Variants in CALN1 observed in about 807,000 individuals in gnomAD.
CALN1 encodes the protein calneuron 1.
In CALN1, 17 loss-of-function variants were observed where a neutral mutation model predicts 30.6. That is an observed-to-expected ratio of 0.56 (90% CI 0.38 to 0.83). The LOEUF is 0.83. Ranked by LOEUF, CALN1 falls within the 40% of genes least tolerant of loss-of-function variation. CALN1 has a pLI of 0.00. For missense variants in CALN1, 291 were observed against 354.9 expected (o/e 0.82, Z 1.45); for synonymous variants, 156 against 131.4 (o/e 1.19, Z -1.28).
chr7:71,935,628 A>C lies in CALN1; in HGVS notation c.501+88029T>G, dbSNP rs192919635. On this transcript the variant is annotated intron_variant, in intron 5 of 6. Coordinates refer to ENST00000395275, the MANE Select transcript of CALN1 (RefSeq NM_031468.4). ...ATTCCAGCTATTCTGGAGGCTGAGG[A>C]AGGAGAATCGCTTGAACCCGGGAGG... Among the ~76,000 whole-genome samples, 1,498 of 152,250 alleles carry C rather than the reference A, an allele frequency of 9.8e-3. 29 individuals are homozygous for C. The highest frequency in any genetic ancestry group is 0.034 in the African/African-American group (1,410 of 41,558).
At chr7:72,329,824 C>T (rs1436975421) in intron 2 of CALN1, among the ~76,000 whole-genome samples, 1 of 151,690 alleles carries the variant, frequency 6.6e-6, no homozygotes, top group African/African-American at 2.4e-5. Flanking sequence ...CGTGGTGCCA[C>T]GCACCTGTAA....
intron 3 of CALN1, among the ~76,000 whole-genome samples, chr7:72,200,677 A>C (rs1017650054): frequency 2.0e-5 from 3 of 152,022 alleles, no homozygotes; most frequent in South Asian, 2.1e-4. Flanking sequence ...TGAAAAAAAA[A>C]CACACATGGA....
intron 4 of CALN1, among the ~76,000 whole-genome samples, chr7:72,093,953 G>A (rs1041084212): frequency 1.3e-4 from 20 of 152,086 alleles, no homozygotes; most frequent in African/African-American, 4.3e-4. Context: ...TCTCCCTTAC[G>A]TCCTCTCTTA....
chr7:72,226,186 A>C (rs1793664630), intron 3 of CALN1, among the ~76,000 whole-genome samples: 2 of 151,884 alleles, frequency 1.3e-5, no homozygotes, highest in African/African-American at 4.8e-5. Context: ...TGGAGGTTGC[A>C]GTGAGCTAAG....
At chr7:71,906,049 G>A (rs1302620699) in intron 5 of CALN1, among the ~76,000 whole-genome samples, 2 of 152,140 alleles carry the variant, frequency 1.3e-5, no homozygotes, top group Non-Finnish European at 2.9e-5. Flanking sequence ...CAGCATGGGG[G>A]AAACTGACCC....
At chr7:72,334,598 G>A (rs538368100) in intron 2 of CALN1, among the ~76,000 whole-genome samples, 6 of 152,190 alleles carry the variant, frequency 3.9e-5, no homozygotes, top group Non-Finnish European at 8.8e-5. Context: ...AACAGAAGCA[G>A]CTGAATTAAA....
At chr7:72,118,393 T>C (rs1055733284) in intron 3 of CALN1, among the ~76,000 whole-genome samples, 2 of 152,312 alleles carry the variant, frequency 1.3e-5, no homozygotes, top group Admixed American at 6.5e-5. Flanking sequence ...GAAATTCTAC[T>C]ACTCAGGTCA....
intron 6 of CALN1, among the ~76,000 whole-genome samples, chr7:71,800,876 G>C (rs1355035938): frequency 1.3e-5 from 2 of 152,024 alleles, no homozygotes; most frequent in African/African-American, 4.8e-5. Context: ...ATAGGTAAAC[G>C]TGCGCCATGG....
upstream of CALN1, among the ~76,000 whole-genome samples, chr7:72,451,432 G>T (rs1416990831): frequency 6.7e-6 from 1 of 148,614 alleles, no homozygotes; most frequent in Non-Finnish European, 1.5e-5. Flanking sequence ...TTTGGGGAAG[G>T]GGGAGGAGGA....
chr7:71,933,084 A>T (rs1023504265), intron 5 of CALN1, among the ~76,000 whole-genome samples: 1 of 152,068 alleles, frequency 6.6e-6, no homozygotes, highest in African/African-American at 2.4e-5. Flanking sequence ...CTACAGACAT[A>T]GACATGCAAG....
At chr7:72,336,842 C>G in intron 2 of CALN1, 1 of 985,094 alleles carries the variant, frequency 1.0e-6, no homozygotes, top group Non-Finnish European at 1.2e-6. Context: ...CTCGCTCACA[C>G]CCCCAGCAGG....
chr7:72,249,529 A>G (rs1307364372), intron 3 of CALN1, among the ~76,000 whole-genome samples: 3 of 152,066 alleles, frequency 2.0e-5, no homozygotes, highest in Non-Finnish European at 4.4e-5. Flanking sequence ...TCAGCAGGGC[A>G]TGGTGGGTCA....
In CALN1 at chr7:71,935,041, A is replaced by G. The variant is rs146685258; in HGVS notation, c.501+88616T>C. Among the ~76,000 whole-genome samples the G allele has an allele frequency of 1.1e-3, 167 of 152,278 alleles. 1 individual carries two copies. The East Asian group carries it at 0.025, about 23-fold the overall frequency. ...TATGGGAGCTATAATTCAAGATGAG[A>G]TTTGGGTGGGCAAACAGCCAAACCA... On this transcript the variant is annotated intron_variant, in intron 5 of 6. Coordinates refer to ENST00000395275, the MANE Select transcript of CALN1 (RefSeq NM_031468.4).
At chr7:71,803,807 G>A (rs924990343) in intron 6 of CALN1, among the ~76,000 whole-genome samples, 11 of 151,982 alleles carry the variant, frequency 7.2e-5, no homozygotes, top group African/African-American at 2.7e-4. Flanking sequence ...TATCCAGCTT[G>A]GAGTTTCATC....
chr7:72,299,942 G>C (rs941750337), intron 2 of CALN1, among the ~76,000 whole-genome samples: 2 of 151,986 alleles, frequency 1.3e-5, no homozygotes, highest in African/African-American at 2.4e-5. Flanking sequence ...CTGTCACCCA[G>C]GCTGGAGAGC....
chr7:72,404,273 G>A (rs1301643832), intron 1 of CALN1, among the ~76,000 whole-genome samples: 1 of 152,156 alleles, frequency 6.6e-6, no homozygotes, highest in Non-Finnish European at 1.5e-5. Flanking sequence ...AAAACCCCAG[G>A]CAGGGAAGAG....
At chr7:72,317,304 A>T (rs972669178) in intron 2 of CALN1, among the ~76,000 whole-genome samples, 1 of 151,914 alleles carries the variant, frequency 6.6e-6, no homozygotes, top group Non-Finnish European at 1.5e-5. Context: ...GAAGAAAAGG[A>T]GGGAAGGTGT....
chr7:71,925,008 AGG>A (rs1795187975), intron 5 of CALN1, among the ~76,000 whole-genome samples: 1 of 152,194 alleles, frequency 6.6e-6, no homozygotes, highest in African/African-American at 2.4e-5. Context: ...TGGGAGGCCG[AGG>A]TGGGCAGACT....
chr7:72,335,722 A>T (rs1801977792), intron 2 of CALN1, among the ~76,000 whole-genome samples: 1 of 152,216 alleles, frequency 6.6e-6, no homozygotes, highest in African/African-American at 2.4e-5. Flanking sequence ...TCCTCACACA[A>T]GCCTCGTCCA....
Sources: gnomAD v4.1 joint callset for allele counts (sites outside exome capture counted in the v4.1 genomes callset) on GRCh38, gnomAD v4.1.1 for gene constraint, MANE v1.5 for transcripts, NCBI Gene and HGNC (gene_info 2026-07-23, HGNC 2026-07-21) for gene names.